Variants in COBL observed in about 807,000 individuals in gnomAD.
COBL encodes the protein protein cordon-bleu.
Under a neutral mutation model 98.8 loss-of-function variants are expected in COBL, and 51 were observed. The observed-to-expected ratio is 0.52, with a 90% CI of 0.41 to 0.65. The LOEUF (loss-of-function observed/expected upper bound fraction) is 0.65. Among genes scored for constraint, COBL ranks in the 30% least tolerant of loss-of-function variants. COBL has a pLI of 0.00. For missense variants in COBL, 1,617 were observed against 1,617.5 expected (o/e 1.00, Z 0.01); for synonymous variants, 634 against 651.7 (o/e 0.97, Z 0.41).
intron 5 of COBL, among the ~76,000 whole-genome samples, chr7:51,140,534 T>A (rs1201808398): frequency 6.6e-6 from 1 of 152,208 alleles, no homozygotes; most frequent in Non-Finnish European, 1.5e-5. Flanking sequence ...CATTTATGTA[T>A]GCATGGGTGT....
At chr7:51,068,661 T>G (rs1429453818) in intron 7 of COBL, among the ~76,000 whole-genome samples, 2 of 152,212 alleles carry the variant, frequency 1.3e-5, no homozygotes, top group Non-Finnish European at 2.9e-5. Context: ...GGTTTCATGG[T>G]GTATACAAGA....
At chr7:51,271,186 G>A (rs372069552) in intron 1 of COBL, among the ~76,000 whole-genome samples, 1 of 152,168 alleles carries the variant, frequency 6.6e-6, no homozygotes, top group Admixed American at 6.5e-5. Flanking sequence ...GCAGGGTTGC[G>A]TCGTCACCAG....
chr7:51,100,319 A>T (rs1795697458), intron 6 of COBL, among the ~76,000 whole-genome samples: 1 of 152,180 alleles, frequency 6.6e-6, no homozygotes, highest in Admixed American at 6.5e-5. Context: ...CTGTGATAGG[A>T]ACTGTAGTGG....
At chr7:51,188,668 C>T (rs1789786312) in intron 4 of COBL, among the ~76,000 whole-genome samples, 2 of 152,304 alleles carry the variant, frequency 1.3e-5, no homozygotes, top group South Asian at 4.1e-4. Flanking sequence ...TAGTTCCAAC[C>T]AAGGGCAGAA....
At chr7:51,128,813 C>CCAGCAG (rs577957270) in intron 6 of COBL, among the ~76,000 whole-genome samples, 2 of 152,092 alleles carry the variant, frequency 1.3e-5, no homozygotes, top group Non-Finnish European at 2.9e-5. Flanking sequence ...CCTGGCCATT[C>CCAGCAG]CAGCAGCAGC....
intron 6 of COBL, among the ~76,000 whole-genome samples, chr7:51,132,651 G>C (rs1482160282): frequency 3.3e-5 from 5 of 152,202 alleles, no homozygotes; most frequent in Non-Finnish European, 7.3e-5. Context: ...AGAAACACCT[G>C]AGACTGGGTA....
chr7:51,064,740 G>A (rs972508504), intron 7 of COBL: 3 of 165,378 alleles, frequency 1.8e-5, no homozygotes, highest in African/African-American at 7.2e-5. Flanking sequence ...AAAATGGAAG[G>A]AATGGGACAT....
At chr7:51,168,308 T>C (rs1787520703) in intron 5 of COBL, among the ~76,000 whole-genome samples, 1 of 152,036 alleles carries the variant, frequency 6.6e-6, no homozygotes, top group Non-Finnish European at 1.5e-5. Context: ...TGCTGGTACA[T>C]GCCTGTAGTC....
chr7:51,258,300 G>A (rs546163500), intron 1 of COBL, among the ~76,000 whole-genome samples: 41 of 152,184 alleles, frequency 2.7e-4, no homozygotes, highest in Non-Finnish European at 5.1e-4. Flanking sequence ...AAAGCCCCAG[G>A]AATCTCCAGA....
chr7:51,041,371 T>C (rs868246720), intron 8 of COBL, among the ~76,000 whole-genome samples: 4 of 152,144 alleles, frequency 2.6e-5, no homozygotes, highest in Non-Finnish European at 5.9e-5. Flanking sequence ...TGAGTTCATA[T>C]GAATAGGGTT....
chr7:51,051,217 C>T (rs945950892), intron 7 of COBL, among the ~76,000 whole-genome samples: 6 of 152,168 alleles, frequency 3.9e-5, no homozygotes, highest in African/African-American at 1.4e-4. Context: ...TGTTTTCTAG[C>T]ATCTTGTGTC....
Position 51,190,908 on chromosome 7 carries a change from C to T in COBL, c.627G>A (p.Leu209=). 1.2e-6 allele frequency: 2 copies of T among 1,614,162 alleles called. No individual in the cohort carries two copies. Among genetic ancestry groups the T allele is most frequent in the Non-Finnish European group, 1.7e-6 (2 of 1,180,030 alleles). ...TCCCGAGCTCGTTCAGGGACTTGGA[C>T]AGCTCCAGCTCCTCTCCGGCAATGT... is the stretch of plus-strand genomic sequence containing the variant. ...RDNIAGEELE[L]SKSLNELGIK... Residue 209 remains leucine (L), a synonymous_variant, in exon 4 of 13, where the codon CTG becomes CTA. Coordinates refer to ENST00000265136, the MANE Select transcript of COBL (RefSeq NM_015198.5).
At chr7:51,036,351 A>G (rs1175977431) in intron 8 of COBL, among the ~76,000 whole-genome samples, 1 of 132,922 alleles carries the variant, frequency 7.5e-6, no homozygotes. Context: ...AAAAAAAAAA[A>G]AAAAAAAAAA....
intron 6 of COBL, among the ~76,000 whole-genome samples, chr7:51,093,587 C>T (rs1016775945): frequency 6.6e-6 from 1 of 152,208 alleles, no homozygotes; most frequent in Non-Finnish European, 1.5e-5. Flanking sequence ...CACAGCAGGG[C>T]TGTATGAGCC....
chr7:51,276,429 G>A (rs1046473649), intron 1 of COBL, among the ~76,000 whole-genome samples: 6 of 152,186 alleles, frequency 3.9e-5, no homozygotes, highest in Non-Finnish European at 8.8e-5. Context: ...CCGGGGACGG[G>A]CCATACCCAG....
At position 51,293,792 on chromosome 7, in the gene COBL, C is replaced by T. The variant is rs1435923194; in HGVS notation, c.41+22801G>A. 3.3e-5 allele frequency among the ~76,000 whole-genome samples: 5 copies of T among 152,144 alleles called. No homozygotes were observed. The East Asian group carries it at 9.6e-4, about 29-fold the overall frequency. ...GAACCAACAGACACTGGCTACAAGG[C>T]AGGCTGTCCCATGCTCAGTAAGGGG... On this transcript the variant is annotated intron_variant, in intron 1 of 12. Coordinates refer to ENST00000265136, the MANE Select transcript of COBL (RefSeq NM_015198.5).
At chr7:51,107,084 GTTTGTTTGTTTTTTT>G (rs1418913590) in intron 6 of COBL, among the ~76,000 whole-genome samples, 1 of 109,312 alleles carries the variant, frequency 9.1e-6, no homozygotes, top group Admixed American at 9.9e-5. Flanking sequence ...TGTGATCCTA[GTTTGTTTGTTTTTTT>G]TTTTTTTTTT....
intron 7 of COBL, among the ~76,000 whole-genome samples, chr7:51,060,371 G>C (rs1791207491): frequency 2.0e-5 from 3 of 152,192 alleles, no homozygotes; most frequent in Non-Finnish European, 4.4e-5. Context: ...AGAGAGCATT[G>C]CTTCTGATCA....
At chr7:51,189,586 A>G (rs1365453205) in intron 4 of COBL, among the ~76,000 whole-genome samples, 2 of 152,322 alleles carry the variant, frequency 1.3e-5, no homozygotes, top group Admixed American at 6.5e-5. Flanking sequence ...GTGAGCCGAT[A>G]TTGCACCATT....
Sources: allele counts gnomAD v4.1 joint callset (sites outside exome capture counted in the v4.1 genomes callset), GRCh38; gene constraint gnomAD v4.1.1; transcripts MANE v1.5; gene names NCBI Gene and HGNC (gene_info 2026-07-23, HGNC 2026-07-21).